NLGN1: variants seen among roughly 807,000 people sequenced by gnomAD.
NLGN1 encodes neuroligin 1.
A neutral mutation model predicts 65.5 loss-of-function variants in NLGN1; 12 were observed. The ratio of observed to expected loss-of-function variants is 0.18; its 90% confidence interval spans 0.12 to 0.30. NLGN1 has a LOEUF of 0.30. Ranked by LOEUF, NLGN1 falls within the 10% of genes least tolerant of loss-of-function variation. NLGN1 has a pLI of 1.00. For missense variants in NLGN1, 750 were observed against 1,007.1 expected (o/e 0.74, Z 3.46); for synonymous variants, 350 against 359.5 (o/e 0.97, Z 0.30).
intron 4 of NLGN1, among the ~76,000 whole-genome samples, chr3:173,857,077 C>G (rs1728133392): frequency 6.6e-6 from 1 of 151,480 alleles, no homozygotes; most frequent in African/African-American, 2.4e-5. Context: ...TTATGTAGCT[C>G]ATCTTATTCA....
At chr3:173,601,449 T>G (rs548493382) in intron 2 of NLGN1, among the ~76,000 whole-genome samples, 1 of 152,064 alleles carries the variant, frequency 6.6e-6, no homozygotes, top group South Asian at 2.1e-4. Context: ...TATGTATTTA[T>G]GTATTTGAGA....
chr3:174,016,236 G>T (rs1455353083), intron 4 of NLGN1, among the ~76,000 whole-genome samples: 1 of 152,142 alleles, frequency 6.6e-6, no homozygotes, highest in African/African-American at 2.4e-5. Flanking sequence ...GTTTGCTGAA[G>T]ACCGTTAGAG....
At chr3:173,779,188 G>A (rs1780761631) in intron 3 of NLGN1, among the ~76,000 whole-genome samples, 1 of 151,678 alleles carries the variant, frequency 6.6e-6, no homozygotes, top group South Asian at 2.1e-4. Flanking sequence ...TGATTAACTA[G>A]ATATTAGCTC....
At chr3:173,526,208 T>G (rs1735615016) in intron 2 of NLGN1, among the ~76,000 whole-genome samples, 1 of 152,108 alleles carries the variant, frequency 6.6e-6, no homozygotes, top group South Asian at 2.1e-4. Context: ...CAGTCTGTTT[T>G]CTTAGGTCTA....
intron 1 of NLGN1, among the ~76,000 whole-genome samples, chr3:173,402,804 T>C (rs924542057): frequency 6.6e-6 from 1 of 152,190 alleles, no homozygotes; most frequent in Non-Finnish European, 1.5e-5. Flanking sequence ...TAAAACTATG[T>C]CACATTTCAC....
At chr3:173,972,099 G>A (rs747876075) in intron 4 of NLGN1, among the ~76,000 whole-genome samples, 2 of 152,082 alleles carry the variant, frequency 1.3e-5, no homozygotes, top group Admixed American at 6.6e-5. Context: ...GGACTACGGG[G>A]CATAAAGCCT....
intron 2 of NLGN1, among the ~76,000 whole-genome samples, chr3:173,507,149 C>T (rs1732164385): frequency 6.6e-6 from 1 of 152,028 alleles, no homozygotes; most frequent in Non-Finnish European, 1.5e-5. Context: ...TTTTTCACTT[C>T]TGCTGTAGGG....
chr3:174,039,652 G>A (rs902915663), intron 4 of NLGN1, among the ~76,000 whole-genome samples: 3 of 152,084 alleles, frequency 2.0e-5, no homozygotes, highest in African/African-American at 4.8e-5. Flanking sequence ...ATTGGAGCTC[G>A]CTTATTGCAA....
intron 4 of NLGN1, among the ~76,000 whole-genome samples, chr3:174,239,411 C>T (rs1024825602): frequency 2.6e-5 from 4 of 152,094 alleles, no homozygotes; most frequent in Admixed American, 1.3e-4. Flanking sequence ...GCATCTAGCA[C>T]GCTTGTACTG....
At chr3:173,483,560 A>G (rs1053901824) in intron 2 of NLGN1, among the ~76,000 whole-genome samples, 1 of 152,154 alleles carries the variant, frequency 6.6e-6, no homozygotes, top group African/African-American at 2.4e-5. Context: ...AAATGAGAAA[A>G]TATAGAATCT....
rs559000286 is a variant in NLGN1, at chr3:173,493,840, TAGAG to T, written c.-321+58769_-321+58772del. Among the ~76,000 whole-genome samples, 25 of 150,424 alleles carry T rather than the reference TAGAG, an allele frequency of 1.7e-4. 1 individual carries two copies. The highest frequency in any genetic ancestry group is 7.3e-4 in the Admixed American group (11 of 15,144). On this transcript the variant is annotated intron_variant, in intron 2 of 6. Transcript: ENST00000457714. ...AATGATTTAATTGAATATATATATATAGAGAGAGAGTATTTCTTCAGAATTTTTA... is the reference window on the plus strand; with the variant it reads ...AATGATTTAATTGAATATATATATATAGAGAGTATTTCTTCAGAATTTTTA...
chr3:173,942,557 T>C (rs1746350691), intron 4 of NLGN1, among the ~76,000 whole-genome samples: 1 of 152,202 alleles, frequency 6.6e-6, no homozygotes, highest in South Asian at 2.1e-4. Flanking sequence ...AACTTCATAG[T>C]TCAAGGTTTA....
At chr3:174,034,925 A>G (rs879303786) in intron 4 of NLGN1, among the ~76,000 whole-genome samples, 1 of 152,190 alleles carries the variant, frequency 6.6e-6, no homozygotes. Flanking sequence ...TATGTGTTTA[A>G]ATATAGACTC....
chr3:173,422,975 T>C (rs961996374), intron 1 of NLGN1, among the ~76,000 whole-genome samples: 2 of 152,196 alleles, frequency 1.3e-5, no homozygotes, highest in Non-Finnish European at 2.9e-5. Context: ...TTCCTGACTT[T>C]ATTGTCAGTC....
chr3:173,752,365 C>G (rs1474562031), intron 3 of NLGN1, among the ~76,000 whole-genome samples: 1 of 152,002 alleles, frequency 6.6e-6, no homozygotes, highest in Non-Finnish European at 1.5e-5. Flanking sequence ...CACTGGCATA[C>G]CTTACACCTC....
At chr3:174,210,503 C>T (rs6765852) in intron 4 of NLGN1, among the ~76,000 whole-genome samples, 4 of 152,084 alleles carry the variant, frequency 2.6e-5, no homozygotes, top group Non-Finnish European at 5.9e-5. Flanking sequence ...ACAGGACTGC[C>T]TATTGTCCAC....
intron 2 of NLGN1, among the ~76,000 whole-genome samples, chr3:173,555,831 G>A (rs961794630): frequency 6.6e-5 from 10 of 151,998 alleles, no homozygotes; most frequent in Non-Finnish European, 1.2e-4. Context: ...ATTGGGAAGC[G>A]TTCTATACTC....
chr3:174,048,401 A>C (rs1221677716), intron 4 of NLGN1, among the ~76,000 whole-genome samples: 2 of 152,122 alleles, frequency 1.3e-5, no homozygotes, highest in Non-Finnish European at 2.9e-5. Context: ...GTGAGAGGTG[A>C]AATCATTGGT....
chr3:174,183,350 A>G (rs546665242), intron 4 of NLGN1, among the ~76,000 whole-genome samples: 7 of 152,140 alleles, frequency 4.6e-5, no homozygotes, highest in Non-Finnish European at 7.4e-5. Flanking sequence ...GAGAGCCCCT[A>G]TTTTGCAAGG....
Sources: gnomAD v4.1 joint callset for allele counts (sites outside exome capture counted in the v4.1 genomes callset) on GRCh38, gnomAD v4.1.1 for gene constraint, MANE v1.5 for transcripts, NCBI Gene and HGNC (gene_info 2026-07-23, HGNC 2026-07-21) for gene names.